MGAM: variants seen among roughly 807,000 people sequenced by gnomAD.
MGAM encodes alpha-1,4-glucosidase.
MGAM carries 253 observed loss-of-function variants against 358.8 expected under a neutral mutation model. The observed-to-expected ratio is 0.71, with a 90% CI of 0.64 to 0.78. MGAM has a LOEUF of 0.78. Ranked by LOEUF, MGAM falls within the 30% of genes least tolerant of loss-of-function variation. MGAM has a pLI of 0.00. For synonymous variants in MGAM, 1,105 were observed against 1,227.1 expected (o/e 0.90, Z 2.08); for missense variants, 3,080 against 3,432.6 (o/e 0.90, Z 2.57).
In MGAM at chr7:142,060,298, T is replaced by C. The variant is rs1384152661; in HGVS notation, c.4060-13T>C. ...GTCTAGTGCATCGCTACTGAACGTA[T>C]TTCTCTCCATAGGTCTGGCCTGATT... On this transcript the variant is annotated splice_polypyrimidine_tract_variant and intron_variant, in intron 33 of 70. Coordinates refer to ENST00000475668, the MANE Select transcript of MGAM (RefSeq NM_001365693.1). The C allele has an allele frequency of 1.9e-5, 30 of 1,613,544 alleles. No homozygotes were observed. The highest frequency in any genetic ancestry group is 2.5e-5 in the Non-Finnish European group (30 of 1,179,534).
rs149321234 is a variant in MGAM at position 142,100,101 on chromosome 7, A to G, written c.7874+364A>G. Among the ~76,000 whole-genome samples, 10 of 152,354 alleles carry G rather than the reference A, an allele frequency of 6.6e-5. No homozygotes were observed. The East Asian group carries it at 1.7e-3, about 26-fold the overall frequency. On this transcript the variant is annotated intron_variant, in intron 67 of 70. Coordinates refer to ENST00000475668, the MANE Select transcript of MGAM (RefSeq NM_001365693.1). ...TTGCTGAAAAATTGTTTATTCCTCT[A>G]CAAGATGTTAAAATTCTAGATCAAA...
At chr7:142,048,738 A>C (rs1310609590) in intron 22 of MGAM, among the ~76,000 whole-genome samples, 3 of 152,148 alleles carry the variant, frequency 2.0e-5, no homozygotes, top group Middle Eastern at 3.2e-3. Context: ...AAAGAGAAGG[A>C]AAAACAATGG....
At position 142,027,177 on chromosome 7, in the gene MGAM, T is replaced by C; in HGVS notation, c.1045T>C (p.Tyr349His). 2.5e-6 allele frequency: 4 copies of C among 1,613,804 alleles called. No homozygotes were observed. The highest frequency in any genetic ancestry group is 2.5e-6 in the Non-Finnish European group (3 of 1,179,704). The change falls in exon 9 of 71, where the codon TAT becomes CAT. Residue 349 changes from tyrosine to histidine, a missense_variant. Around this residue, in one of 5 missense-constraint regions of MGAM, gnomAD observed 1,816 missense variants for 1,840.5 expected, o/e 0.99. Coordinates refer to ENST00000475668, the MANE Select transcript of MGAM (RefSeq NM_001365693.1). Reference sequence around the variant, plus strand: ...CACCATTGGGGGCATTCTCGACTTCTATGTGTTCTTGGGAAACACTCCAGA... The same window carrying C: ...CACCATTGGGGGCATTCTCGACTTCCATGTGTTCTTGGGAAACACTCCAGA... ...YRTIGGILDFYVFLGNTPEQV... is the reference protein window; with the variant it reads ...YRTIGGILDFHVFLGNTPEQV...
At chr7:142,057,067 T>C (rs1811624264) in intron 30 of MGAM, 125 bp downstream of exon 30, 1 of 837,072 alleles carries the variant, frequency 1.2e-6, no homozygotes, top group South Asian at 2.1e-5. Flanking sequence ...AGAGAGATTA[T>C]AGAATGAGAA....
intron 3 of MGAM, among the ~76,000 whole-genome samples, chr7:142,017,903 A>G (rs764550278): frequency 6.6e-6 from 1 of 152,218 alleles, no homozygotes. Context: ...AAAGAAATGG[A>G]TAGTAAGAGA....
rs953650618 is a variant in MGAM at position 142,040,494 on chromosome 7, A to G, written c.2374-228A>G. 4.1e-5 allele frequency: 25 copies of G among 603,878 alleles called. 1 individual carries two copies. The highest frequency in any genetic ancestry group is 6.3e-5 in the Non-Finnish European group (22 of 348,476). 37.4% of individuals were successfully genotyped at this position (603,878 alleles called of 1,614,324 possible). On this transcript the variant is annotated intron_variant, in intron 20 of 70. Coordinates refer to ENST00000475668, the MANE Select transcript of MGAM (RefSeq NM_001365693.1). Reference sequence around the variant, plus strand: ...TATCTGTTTAAAACTATCAGTTTATATAATATATCAAATAGCCTCAGCATG... The same window carrying G: ...TATCTGTTTAAAACTATCAGTTTATGTAATATATCAAATAGCCTCAGCATG...
intron 31 of MGAM, among the ~76,000 whole-genome samples, chr7:142,058,773 G>A (rs1365578207): frequency 2.0e-5 from 3 of 152,128 alleles, no homozygotes; most frequent in Non-Finnish European, 4.4e-5. Flanking sequence ...AATAACAGAT[G>A]GATTAAACAG....
intron 10 of MGAM, 33 bp downstream of exon 10, chr7:142,027,768 A>G: frequency 6.7e-7 from 1 of 1,494,310 alleles, no homozygotes; most frequent in East Asian, 2.4e-5. Context: ...CTCCAAAAGT[A>G]AAGAAATTCC....
At chr7:142,102,700 G>A (rs1816544374) in intron 69 of MGAM, 21 bp downstream of exon 69, 1 of 1,610,010 alleles carries the variant, frequency 6.2e-7, no homozygotes, top group African/African-American at 1.3e-5. Context: ...TTGATATGAA[G>A]TGAGAATAGG....
At chr7:142,048,465 T>C (rs908304836) in intron 22 of MGAM, among the ~76,000 whole-genome samples, 3 of 65,210 alleles carry the variant, frequency 4.6e-5, no homozygotes, top group African/African-American at 1.0e-4. Flanking sequence ...TCTCTTTTTA[T>C]TGTCAATGGG....
rs371376117 is a variant in MGAM, at chr7:142,099,204, T to C, written c.7750-409T>C. 5.4e-4 allele frequency among the ~76,000 whole-genome samples: 82 copies of C among 152,306 alleles called. 1 individual carries two copies. Among genetic ancestry groups the C allele is most frequent in the African/African-American group, 1.9e-3 (81 of 41,560 alleles). ...TGCGGCTGACATCCGAGGATTCTGCTAAATATCAAAAGGCACAGGATAGCC... is the reference window on the plus strand; with the variant it reads ...TGCGGCTGACATCCGAGGATTCTGCCAAATATCAAAAGGCACAGGATAGCC... On this transcript the variant is annotated intron_variant, in intron 66 of 70. Transcript: ENST00000475668.
chr7:142,010,475 G>A (rs1205989069), intron 3 of MGAM, among the ~76,000 whole-genome samples: 3 of 151,976 alleles, frequency 2.0e-5, no homozygotes, highest in Admixed American at 6.6e-5. Flanking sequence ...CCTTTGGCCA[G>A]TATTCCATGT....
intron 1 of MGAM, among the ~76,000 whole-genome samples, chr7:142,002,288 A>G (rs1334762088): frequency 6.6e-6 from 1 of 152,150 alleles, no homozygotes; most frequent in Non-Finnish European, 1.5e-5. Flanking sequence ...ACTACAGACC[A>G]ATATCCCTTA....
intron 25 of MGAM, 88 bp from the exon 26 acceptor site, chr7:142,052,696 T>C: frequency 6.6e-7 from 1 of 1,506,114 alleles, no homozygotes; most frequent in Admixed American, 1.8e-5. Flanking sequence ...TTTATCGTCA[T>C]ATAAAATGAC....
Position 142,045,864 on chromosome 7 carries a change from A to G in MGAM, c.2499-1921A>G, listed in dbSNP as rs184911013. 2.5e-3 allele frequency among the ~76,000 whole-genome samples: 271 copies of G among 106,484 alleles called. 28 individuals are homozygous for G. Among genetic ancestry groups the G allele is most frequent in the African/African-American group, 3.9e-3 (93 of 23,694 alleles). The allele number at this position is 106,484 out of a possible 152,430, so 69.9% of individuals were successfully genotyped here. On this transcript the variant is annotated intron_variant, in intron 21 of 70. Coordinates refer to ENST00000475668, the MANE Select transcript of MGAM (RefSeq NM_001365693.1). ...ATACAATATGTAATATATATATTAT[A>G]TATACATACAATATGTAATATATAT...
intron 7 of MGAM, among the ~76,000 whole-genome samples, chr7:142,022,750 A>G (rs1584932728): frequency 6.6e-6 from 1 of 151,982 alleles, no homozygotes; most frequent in Non-Finnish European, 1.5e-5. Flanking sequence ...CAACTCCTTC[A>G]TATTTTCCTA....
At chr7:142,039,347 C>G (rs1290075952) in intron 19 of MGAM, among the ~76,000 whole-genome samples, 2 of 151,958 alleles carry the variant, frequency 1.3e-5, no homozygotes, top group African/African-American at 2.4e-5. Context: ...GATGATCCAC[C>G]TGCCTCAGCC....
intron 21 of MGAM, 151 bp from the exon 22 acceptor site, chr7:142,047,634 C>A: frequency 2.9e-6 from 2 of 691,484 alleles, no homozygotes; most frequent in South Asian, 1.6e-5. Context: ...AAGATAGGGG[C>A]GCCTGTCAAT....
intron 34 of MGAM, among the ~76,000 whole-genome samples, chr7:142,061,977 G>A: frequency 6.6e-6 from 1 of 152,326 alleles, no homozygotes; most frequent in Middle Eastern, 3.4e-3. Context: ...CTTTTATTAT[G>A]TGAGGGTAGA....
Sources: allele counts gnomAD v4.1 joint callset (sites outside exome capture counted in the v4.1 genomes callset), GRCh38; gene constraint gnomAD v4.1.1; regional missense constraint gnomAD v4.1.1; transcripts MANE v1.5; gene names NCBI Gene and HGNC (gene_info 2026-07-23, HGNC 2026-07-21).